CLIP1: variants seen among roughly 807,000 people sequenced by gnomAD.
The protein encoded by CLIP1 is CAP-Gly domain containing linker protein 1, also known as CAP-Gly domain-containing linker protein 1.
In CLIP1, 66 loss-of-function variants were observed where a neutral mutation model predicts 161.6. The ratio of observed to expected loss-of-function variants is 0.41; its 90% CI spans 0.33 to 0.50. The LOEUF is 0.50. CLIP1 is among the 20% of genes least tolerant of loss of function. The pLI is 0.27. For synonymous variants in CLIP1, 598 were observed against 626.2 expected, an observed-to-expected ratio of 0.96 and a Z score of 0.67; for missense variants, 1,376 against 1,702.0, an observed-to-expected ratio of 0.81 and a Z score of 3.37.
rs566530225 is a variant in CLIP1 at position 122,303,668 on chromosome 12, C to T, written c.3594+6094G>A. ...ACATCCTCAGCCTTGGGGCACGCAT[C>T]CCCAGTCAGCTCTTTCCACAGTGCT... On this transcript the variant is annotated intron_variant, in intron 20 of 25. Transcript: ENST00000620786. 2.0e-5 allele frequency among the ~76,000 whole-genome samples: 3 copies of T among 152,304 alleles called. 1 individual carries two copies. In the East Asian group the frequency reaches 5.8e-4, roughly 29 times the overall value.
chr12:122,380,686 C>G (rs2136836837), intron 1 of CLIP1, 128 bp from the exon 2 acceptor site: 1 of 329,420 alleles, frequency 3.0e-6, no homozygotes, highest in Non-Finnish European at 5.5e-6. Context: ...ACCTAGGAAC[C>G]TAGAAGACTC....
At chr12:122,387,122 G>A (rs1955309133) in intron 1 of CLIP1, among the ~76,000 whole-genome samples, 1 of 152,066 alleles carries the variant, frequency 6.6e-6, no homozygotes, top group Non-Finnish European at 1.5e-5. Flanking sequence ...GAACTCCTGG[G>A]CCCAAGGGAT....
chr12:122,415,181 C>T (rs1033132442), intron 1 of CLIP1, among the ~76,000 whole-genome samples: 1 of 152,138 alleles, frequency 6.6e-6, no homozygotes, highest in South Asian at 2.1e-4. Context: ...ACACTGCTTT[C>T]CAATTAAGAT....
rs532538060 is a variant in CLIP1 at position 122,316,808 on chromosome 12, G to A, written c.3414C>T (p.Asn1138=). 11 of 1,590,894 alleles carry A rather than the reference G, an allele frequency of 6.9e-6. No homozygotes were observed. In the South Asian group the frequency reaches 9.5e-5, roughly 14 times the overall value. ...CTACAGTCAGGAGTTCTTTTGATTT[G>A]TTCAGCTCTTCCACATTTTTCAAGT... ...ENNLKNVEEL[N]KSKELLTVEN... The change falls in exon 19 of 26, where the codon AAC becomes AAT. Residue 1138 remains asparagine, a synonymous_variant. Coordinates refer to ENST00000620786, the MANE Select transcript of CLIP1 (RefSeq NM_001247997.2).
At chr12:122,422,758 A>G (rs1957004644), upstream of CLIP1, 1 of 125,360 alleles carries the variant, frequency 8.0e-6, no homozygotes, top group South Asian at 2.5e-4. Context: ...TCGAGTCCGC[A>G]CCGGCCCTGC....
chr12:122,280,952 T>G (rs1955621729), intron 21 of CLIP1: 1 of 152,190 alleles, frequency 6.6e-6, no homozygotes, highest in East Asian at 1.9e-4. Context: ...GATGTACTGG[T>G]TGTCTGTTTT....
intron 20 of CLIP1, among the ~76,000 whole-genome samples, chr12:122,306,292 A>G (rs1237474645): frequency 6.6e-6 from 1 of 151,976 alleles, no homozygotes; most frequent in Non-Finnish European, 1.5e-5. Flanking sequence ...TATCTATCCT[A>G]CTAGTTCTGT....
intron 1 of CLIP1, among the ~76,000 whole-genome samples, chr12:122,383,195 A>C (rs1486349705): frequency 6.6e-6 from 1 of 152,248 alleles, no homozygotes; most frequent in Non-Finnish European, 1.5e-5. Flanking sequence ...TAGAACTGAC[A>C]GAGAACAGAC....
chr12:122,328,337 G>T lies in CLIP1; in HGVS notation c.2957C>A (p.Ala986Asp). 1 of 1,613,974 alleles carries T rather than the reference G, an allele frequency of 6.2e-7. No homozygotes were observed. The change falls in exon 16 of 26, where the codon GCT becomes GAT. Residue 986 changes from alanine to aspartate, a missense_variant. By Grantham distance (126) the Ala-to-Asp change is moderately radical. Transcript: ENST00000620786. ...AGCTGCTTCTTGCTGGCTCTGTTCA[G>T]CTTTGACAGTCATGTCCTCAATACT... ...QKSIEDMTVK[A>D]EQSQQEAAKK...
chr12:122,339,976 T>C (rs901707964), intron 11 of CLIP1, among the ~76,000 whole-genome samples: 1 of 152,178 alleles, frequency 6.6e-6, no homozygotes, highest in African/African-American at 2.4e-5. Context: ...ATTACAATCT[T>C]ATGGAACCGC....
chr12:122,351,803 C>T (rs1457908352), intron 8 of CLIP1, among the ~76,000 whole-genome samples: 2 of 133,100 alleles, frequency 1.5e-5, no homozygotes, highest in Non-Finnish European at 3.5e-5. Context: ...ATTCTGGTGT[C>T]TAATTTAAAA....
chr12:122,334,554 C>T (rs1285983641), intron 13 of CLIP1, 94 bp downstream of exon 13: 20 of 803,558 alleles, frequency 2.5e-5, no homozygotes, highest in Admixed American at 1.8e-4. Context: ...AATTAGGCTA[C>T]GAGCAGTGTA....
intron 20 of CLIP1, 91 bp from the exon 21 acceptor site, chr12:122,288,632 A>G: frequency 1.8e-6 from 2 of 1,103,602 alleles, no homozygotes; most frequent in South Asian, 1.4e-5. Flanking sequence ...AGGCTCCAGG[A>G]CAGCTAAAGC....
At chr12:122,368,256 G>A (rs961942061) in intron 3 of CLIP1, among the ~76,000 whole-genome samples, 8 of 152,154 alleles carry the variant, frequency 5.3e-5, no homozygotes, top group Admixed American at 2.6e-4. Context: ...AGAATACAGC[G>A]TTGGCCATTG....
chr12:122,290,060 A>T lies in CLIP1; in HGVS notation c.3595-1519T>A, dbSNP rs1335091285. 2.6e-5 allele frequency among the ~76,000 whole-genome samples: 4 copies of T among 152,164 alleles called. No individual in the cohort carries two copies. The East Asian group carries it at 5.8e-4, about 22-fold the overall frequency. ...TTTTTAAAAGGGTCAAAAAGCTCTTATATTTTTTTAAATAAAAAGATAACA... is the reference window on the plus strand; with the variant it reads ...TTTTTAAAAGGGTCAAAAAGCTCTTTTATTTTTTTAAATAAAAAGATAACA... On this transcript the variant is annotated intron_variant, in intron 20 of 25. Coordinates refer to ENST00000620786, the MANE Select transcript of CLIP1 (RefSeq NM_001247997.2).
chr12:122,338,593 T>C (rs1952349978), intron 11 of CLIP1, among the ~76,000 whole-genome samples: 1 of 152,068 alleles, frequency 6.6e-6, no homozygotes, highest in Non-Finnish European at 1.5e-5. Context: ...GGCGGGCGCC[T>C]GTAATCCTGG....
At chr12:122,303,938 C>T (rs1950777305) in intron 20 of CLIP1, among the ~76,000 whole-genome samples, 2 of 152,156 alleles carry the variant, frequency 1.3e-5, no homozygotes, top group Non-Finnish European at 2.9e-5. Context: ...ACACGCCTAG[C>T]AGAGCAGCAA....
chr12:122,369,332 A>C (rs945064089), intron 3 of CLIP1, among the ~76,000 whole-genome samples: 4 of 151,872 alleles, frequency 2.6e-5, no homozygotes, highest in African/African-American at 9.7e-5. Flanking sequence ...ACTTTTGATT[A>C]CCTCAAGTAA....
At chr12:122,328,624 G>A (rs965382830) in intron 15 of CLIP1, among the ~76,000 whole-genome samples, 198 bp from the exon 16 acceptor site, 6 of 152,050 alleles carry the variant, frequency 3.9e-5, no homozygotes, top group Admixed American at 2.0e-4. Context: ...TCGCTCTGTC[G>A]CACAGGCTGG....
Sources: allele counts gnomAD v4.1 joint callset (sites outside exome capture counted in the v4.1 genomes callset), GRCh38; gene constraint gnomAD v4.1.1; transcripts MANE v1.5; gene names NCBI Gene and HGNC (gene_info 2026-07-23, HGNC 2026-07-21).